PHF20: variants seen among roughly 807,000 people sequenced by gnomAD.
The protein encoded by PHF20 is PHD finger protein 20, also known as glioma-expressed antigen 2.
PHF20 carries 23 observed loss-of-function variants against 113.5 expected under a neutral mutation model. That is an observed-to-expected ratio of 0.20 (90% CI 0.15 to 0.29). PHF20 has a LOEUF of 0.29. Among genes scored for constraint, PHF20 ranks in the 10% least tolerant of loss-of-function variants. The pLI is 1.00. For missense variants in PHF20, 943 were observed against 1,219.6 expected, an observed-to-expected ratio of 0.77 and a Z score of 3.38; for synonymous variants, 434 against 457.3, an observed-to-expected ratio of 0.95 and a Z score of 0.65.
chr20:35,799,795 G>A (rs1450882339), intron 1 of PHF20, among the ~76,000 whole-genome samples: 1 of 152,082 alleles, frequency 6.6e-6, no homozygotes, highest in African/African-American at 2.4e-5. Context: ...AGCCTCCCAA[G>A]TAGCTGGGAT....
intron 14 of PHF20, among the ~76,000 whole-genome samples, chr20:35,930,467 A>G (rs1006594814): frequency 6.6e-6 from 1 of 151,894 alleles, no homozygotes; most frequent in Non-Finnish European, 1.5e-5. Flanking sequence ...AGAAGGCCCC[A>G]CTCCTGGGCA....
chr20:35,847,571 A>G (rs148307712), intron 4 of PHF20, 137 bp downstream of exon 4: 17 of 587,104 alleles, frequency 2.9e-5, no homozygotes, highest in African/African-American at 2.1e-4. Context: ...GTTAATCACT[A>G]TGTCAGGAGT....
intron 9 of PHF20, among the ~76,000 whole-genome samples, chr20:35,874,494 T>C (rs899303083): frequency 6.6e-6 from 1 of 152,124 alleles, no homozygotes; most frequent in Admixed American, 6.5e-5. Context: ...CTTGACTTTT[T>C]TTTTTTAAAG....
intron 2 of PHF20, among the ~76,000 whole-genome samples, chr20:35,813,014 G>T (rs2042004011): frequency 6.6e-6 from 1 of 152,092 alleles, no homozygotes; most frequent in Non-Finnish European, 1.5e-5. Context: ...TGTCGCCCAG[G>T]CTGGAGCACA....
At chr20:35,806,453 G>T (rs927612779) in intron 2 of PHF20, among the ~76,000 whole-genome samples, 1 of 151,970 alleles carries the variant, frequency 6.6e-6, no homozygotes, top group Admixed American at 6.6e-5. Flanking sequence ...GAGTCACCAT[G>T]CCTGGCACAT....
At chr20:35,804,516 G>A (rs894267540) in intron 2 of PHF20, among the ~76,000 whole-genome samples, 2 of 152,004 alleles carry the variant, frequency 1.3e-5, no homozygotes, top group Admixed American at 6.6e-5. Flanking sequence ...GATTACAGGC[G>A]TGAGCCACCG....
At chr20:35,856,875 A>G (rs1568659796) in intron 4 of PHF20, among the ~76,000 whole-genome samples, 1 of 152,124 alleles carries the variant, frequency 6.6e-6, no homozygotes, top group Non-Finnish European at 1.5e-5. Flanking sequence ...GGATGGTGGT[A>G]ATGGGAAATA....
chr20:35,877,419 T>G (rs996984100), intron 9 of PHF20, among the ~76,000 whole-genome samples: 1 of 151,128 alleles, frequency 6.6e-6, no homozygotes, highest in Non-Finnish European at 1.5e-5. Context: ...CAGACCCTAT[T>G]CTTTTCTTTC....
At chr20:35,804,696 T>C (rs184970328) in intron 2 of PHF20, among the ~76,000 whole-genome samples, 2 of 152,052 alleles carry the variant, frequency 1.3e-5, no homozygotes, top group Non-Finnish European at 2.9e-5. Flanking sequence ...TTATTTTTTA[T>C]TGTATTTTTT....
chr20:35,776,571 A>G (rs1202257536), intron 1 of PHF20, among the ~76,000 whole-genome samples: 1 of 152,142 alleles, frequency 6.6e-6, no homozygotes, highest in Admixed American at 6.6e-5. Flanking sequence ...TTTCCTTTCT[A>G]AGTGTGTTGG....
rs185879579 is a variant in PHF20 at position 35,830,292 on chromosome 20, G to A, written c.84-12281G>A. Among the ~76,000 whole-genome samples, 137 of 152,140 alleles carry A rather than the reference G, an allele frequency of 9.0e-4. 1 individual carries two copies. Among genetic ancestry groups the A allele is most frequent in the Non-Finnish European group, 1.2e-3 (84 of 68,000 alleles). ...CTCATCCCTTCTCCCCTTAGCTCCTGGTAACCTCTATTCTGCTTTCATTAA... is the reference window on the plus strand; with the variant it reads ...CTCATCCCTTCTCCCCTTAGCTCCTAGTAACCTCTATTCTGCTTTCATTAA... On this transcript the variant is annotated intron_variant, in intron 2 of 17. Transcript: ENST00000374012.
At chr20:35,884,697 A>G (rs2054694811) in intron 9 of PHF20, among the ~76,000 whole-genome samples, 1 of 152,250 alleles carries the variant, frequency 6.6e-6, no homozygotes. Flanking sequence ...ATGACAAAAA[A>G]TAATTTCAGA....
chr20:35,894,340 A>G (rs2147045851), intron 9 of PHF20, among the ~76,000 whole-genome samples: 1 of 152,360 alleles, frequency 6.6e-6, no homozygotes, highest in Non-Finnish European at 1.5e-5. Flanking sequence ...ACTTTGTGCC[A>G]AGTACATACA....
chr20:35,881,741 A>G (rs988099214), intron 9 of PHF20, among the ~76,000 whole-genome samples: 6 of 152,168 alleles, frequency 3.9e-5, no homozygotes, highest in African/African-American at 1.4e-4. Flanking sequence ...ATATTCATAA[A>G]TTTGAAAAGA....
chr20:35,810,981 C>G (rs2041966863), intron 2 of PHF20, among the ~76,000 whole-genome samples: 1 of 152,010 alleles, frequency 6.6e-6, no homozygotes. Flanking sequence ...CTGTGTCTCT[C>G]TGTGTGTGTA....
At chr20:35,848,893 T>A (rs2042669745) in intron 4 of PHF20, among the ~76,000 whole-genome samples, 1 of 151,764 alleles carries the variant, frequency 6.6e-6, no homozygotes, top group Non-Finnish European at 1.5e-5. Flanking sequence ...CAGTTGTGCT[T>A]CCTCCATAAG....
At chr20:35,829,023 G>A (rs532131624) in intron 2 of PHF20, among the ~76,000 whole-genome samples, 3 of 152,284 alleles carry the variant, frequency 2.0e-5, no homozygotes, top group African/African-American at 7.2e-5. Context: ...ATCTCATAAA[G>A]GCTGCATCCA....
At chr20:35,900,687 A>G (rs1455326824) in intron 10 of PHF20, among the ~76,000 whole-genome samples, 1 of 152,094 alleles carries the variant, frequency 6.6e-6, no homozygotes, top group African/African-American at 2.4e-5. Context: ...ATACAAAAAA[A>G]TTAGCCGGGC....
intron 9 of PHF20, among the ~76,000 whole-genome samples, chr20:35,874,128 C>T (rs1019877326): frequency 2.6e-5 from 4 of 152,078 alleles, no homozygotes; most frequent in African/African-American, 4.8e-5. Context: ...TGTGCCACCA[C>T]GCCTGGCTAA....
Sources: gnomAD v4.1 joint callset for allele counts (sites outside exome capture counted in the v4.1 genomes callset) on GRCh38, gnomAD v4.1.1 for gene constraint, MANE v1.5 for transcripts, NCBI Gene and HGNC (gene_info 2026-07-23, HGNC 2026-07-21) for gene names.